Variants in RALYL observed in about 807,000 individuals in gnomAD.
RALYL encodes the protein RNA-binding Raly-like protein.
Under a neutral mutation model 35.1 loss-of-function variants are expected in RALYL, and 29 were observed. That is an observed-to-expected ratio of 0.83 (90% CI 0.61 to 1.13). The LOEUF (loss-of-function observed/expected upper bound fraction) is 1.13. Among genes scored for constraint, RALYL ranks in the 50% most tolerant of loss-of-function variants. The pLI is 0.00. For missense variants in RALYL, 359 were observed against 360.4 expected (o/e 1.00, Z 0.03); for synonymous variants, 120 against 127.6 (o/e 0.94, Z 0.40).
At chr8:84,601,495 A>G (rs1815942904) in intron 2 of RALYL, among the ~76,000 whole-genome samples, 2 of 152,078 alleles carry the variant, frequency 1.3e-5, no homozygotes, top group South Asian at 4.1e-4. Context: ...TTCTGCCGGG[A>G]AGCCTACTAA....
chr8:84,324,411 A>G (rs192774448), intron 1 of RALYL, among the ~76,000 whole-genome samples: 55 of 152,114 alleles, frequency 3.6e-4, no homozygotes, highest in African/African-American at 1.3e-3. Flanking sequence ...ACCTTTTTAA[A>G]TCATTCCATG....
intron 1 of RALYL, among the ~76,000 whole-genome samples, chr8:84,202,563 G>A (rs1218896542): frequency 6.6e-6 from 1 of 151,732 alleles, no homozygotes; most frequent in African/African-American, 2.4e-5. Context: ...TAGTAGAGAC[G>A]GGGTTTCACT....
chr8:84,493,905 T>G (rs2055647455), intron 1 of RALYL, among the ~76,000 whole-genome samples: 1 of 152,196 alleles, frequency 6.6e-6, no homozygotes, highest in African/African-American at 2.4e-5. Flanking sequence ...CTCTTTAGTT[T>G]AATTAGATCC....
chr8:84,589,330 T>C (rs557715415), intron 2 of RALYL, among the ~76,000 whole-genome samples: 1 of 152,372 alleles, frequency 6.6e-6, no homozygotes, highest in East Asian at 1.9e-4. Flanking sequence ...TTTCTTACTG[T>C]ATCCTGTTAG....
intron 2 of RALYL, among the ~76,000 whole-genome samples, chr8:84,702,218 C>A (rs559306896): frequency 6.6e-6 from 1 of 152,256 alleles, no homozygotes; most frequent in East Asian, 1.9e-4. Context: ...GTGTCACATT[C>A]TGGCAAACAT....
intron 7 of RALYL, among the ~76,000 whole-genome samples, chr8:84,882,535 A>T (rs1842341092): frequency 2.6e-5 from 4 of 152,026 alleles, no homozygotes; most frequent in Admixed American, 2.6e-4. Context: ...TGCAAAATTC[A>T]ACTGTCACTT....
chr8:84,620,559 G>A (rs981535684), intron 2 of RALYL, among the ~76,000 whole-genome samples: 4 of 152,116 alleles, frequency 2.6e-5, no homozygotes, highest in African/African-American at 9.7e-5. Context: ...GTAGCTCAGA[G>A]TAATTTGATC....
intron 8 of RALYL, among the ~76,000 whole-genome samples, chr8:84,915,538 C>T (rs780665576): frequency 2.0e-5 from 3 of 152,010 alleles, no homozygotes; most frequent in Non-Finnish European, 4.4e-5. Flanking sequence ...TTTCTAACCA[C>T]GATTATCTAC....
intron 2 of RALYL, among the ~76,000 whole-genome samples, chr8:84,750,020 A>G (rs559910428): frequency 6.6e-6 from 1 of 152,174 alleles, no homozygotes; most frequent in Non-Finnish European, 1.5e-5. Flanking sequence ...AGCCTGGAAC[A>G]GAACCTAGCT....
At chr8:84,647,109 G>C in intron 2 of RALYL, among the ~76,000 whole-genome samples, 1 of 152,024 alleles carries the variant, frequency 6.6e-6, no homozygotes, top group East Asian at 1.9e-4. Flanking sequence ...GGAGATTCAA[G>C]CTCAGGACGC....
rs1470112670 is a variant in RALYL at position 84,470,029 on chromosome 8, G to A, written c.-23-59270G>A. ...ACGGTGCGCGCACCCACTGACCTGC[G>A]CCCACTGTCTGGCACTTCCTAGTGA... On this transcript the variant is annotated intron_variant, in intron 1 of 8. Coordinates refer to ENST00000521268, the MANE Select transcript of RALYL (RefSeq NM_173848.7). 5.3e-5 allele frequency among the ~76,000 whole-genome samples: 8 copies of A among 152,042 alleles called. No individual in the cohort carries two copies. The South Asian group carries it at 8.3e-4, about 16-fold the overall frequency.
At chr8:84,410,573 C>T in intron 1 of RALYL, among the ~76,000 whole-genome samples, 1 of 151,526 alleles carries the variant, frequency 6.6e-6, no homozygotes, top group East Asian at 1.9e-4. Flanking sequence ...AATTATAAAC[C>T]AGTTAAAATA....
intron 8 of RALYL, among the ~76,000 whole-genome samples, chr8:84,906,500 CAAAAG>C (rs1323639318): frequency 6.6e-6 from 1 of 152,040 alleles, no homozygotes; most frequent in Non-Finnish European, 1.5e-5. Context: ...TAATCTGTGA[CAAAAG>C]AAATGGCAAC....
chr8:84,784,974 A>G (rs562509486), intron 3 of RALYL, among the ~76,000 whole-genome samples: 118 of 152,174 alleles, frequency 7.8e-4, no homozygotes, highest in African/African-American at 2.7e-3. Context: ...ATACTTAGGG[A>G]TCTTCTTCCA....
intron 2 of RALYL, among the ~76,000 whole-genome samples, chr8:84,588,881 C>T (rs970776449): frequency 1.4e-4 from 21 of 150,362 alleles, no homozygotes; most frequent in Admixed American, 1.3e-3. Flanking sequence ...TTTATTCTTT[C>T]CCCTGTCTCC....
intron 2 of RALYL, among the ~76,000 whole-genome samples, chr8:84,696,964 T>C (rs2132249929): frequency 6.6e-6 from 1 of 152,114 alleles, no homozygotes; most frequent in Non-Finnish European, 1.5e-5. Context: ...GGCTATGTAA[T>C]GCTAAATTAT....
chr8:84,415,219 GT>G (rs1421901628), intron 1 of RALYL, among the ~76,000 whole-genome samples: 2 of 70,114 alleles, frequency 2.9e-5, no homozygotes, highest in African/African-American at 1.1e-4. Flanking sequence ...TTTTTTTTTT[GT>G]TTTTTTGTTT....
At chr8:84,271,808 G>A (rs1446702422) in intron 1 of RALYL, among the ~76,000 whole-genome samples, 1 of 152,256 alleles carries the variant, frequency 6.6e-6, no homozygotes, top group Non-Finnish European at 1.5e-5. Context: ...GGGACAGAAA[G>A]CAGATCTGTG....
At chr8:84,596,843 TTCCTTCTA>T (rs1289610125) in intron 2 of RALYL, among the ~76,000 whole-genome samples, 1 of 152,146 alleles carries the variant, frequency 6.6e-6, no homozygotes, top group Non-Finnish European at 1.5e-5. Context: ...TCTAACTTCT[TTCCTTCTA>T]TCCTGGGACT....
Sources: allele counts gnomAD v4.1 joint callset (sites outside exome capture counted in the v4.1 genomes callset), GRCh38; gene constraint gnomAD v4.1.1; transcripts MANE v1.5; gene names NCBI Gene and HGNC (gene_info 2026-07-23, HGNC 2026-07-21).